The following SEL1L3 variants were observed in gnomAD, a reference collection of about 807,000 sequenced individuals.
SEL1L3 encodes SEL1L family member 3.
Under a neutral mutation model 142.8 loss-of-function variants are expected in SEL1L3, and 76 were observed. The ratio of observed to expected loss-of-function variants is 0.53; its 90% CI spans 0.44 to 0.64. The LOEUF (loss-of-function observed/expected upper bound fraction) is 0.64, where lower values mean the gene tolerates loss of function less well. Among genes scored for constraint, SEL1L3 ranks in the 30% least tolerant of loss-of-function variants. The pLI, the probability that SEL1L3 is intolerant of heterozygous loss-of-function variation, is 0.00. For missense variants in SEL1L3, 1,262 were observed against 1,381.7 expected (o/e 0.91, Z 1.37); for synonymous variants, 504 against 519.6 (o/e 0.97, Z 0.41).
chr4:25,786,698 C>T (rs1431762435), intron 13 of SEL1L3, among the ~76,000 whole-genome samples: 1 of 152,104 alleles, frequency 6.6e-6, no homozygotes, highest in African/African-American at 2.4e-5. Context: ...TCCATCTAGC[C>T]CAGAGCCTGG....
chr4:25,735,011 G>A, the SEL1L3 span, among the ~76,000 whole-genome samples: 1 of 151,790 alleles, frequency 6.6e-6, no homozygotes, highest in East Asian at 1.9e-4. Flanking sequence ...CTGAGTTTGT[G>A]TACAGTTGGT....
rs532578805 is a variant in SEL1L3 at position 25,847,401 on chromosome 4, G to C, written c.626C>G (p.Pro209Arg). 6.2e-7 allele frequency: 1 copy of C among 1,613,968 alleles called. No individual in the cohort carries two copies. Among genetic ancestry groups the C allele is most frequent in the South Asian group, 1.1e-5 (1 of 91,080 alleles). Residue 209 changes from proline to arginine, a missense_variant, in exon 2 of 24, where the codon CCG becomes CGG. Around this residue, in one of 3 missense-constraint regions of SEL1L3, gnomAD observed 689 missense variants for 692.8 expected, o/e 0.99. Coordinates refer to ENST00000399878, the MANE Select transcript of SEL1L3 (RefSeq NM_015187.5). ...ATCTTTGAAAGGGCGTTCAAAAGGCGGGATGGTCTGCAGGAGGGTATAATT... is the reference window on the plus strand; with the variant it reads ...ATCTTTGAAAGGGCGTTCAAAAGGCCGGATGGTCTGCAGGAGGGTATAATT... ...AKNYTLLQTI[P>R]PFERPFKDHQ...
At position 25,818,227 on chromosome 4, in the gene SEL1L3, G is replaced by A. The variant is rs1204753973; in HGVS notation, c.1475C>T (p.Ser492Leu). 1.3e-5 allele frequency: 21 copies of A among 1,603,490 alleles called. No individual in the cohort carries two copies. Among genetic ancestry groups the A allele is most frequent in the East Asian group, 4.5e-5 (2 of 44,502 alleles). The change falls in exon 9 of 24, where the codon TCG becomes TTG. Residue 492 changes from serine (S) to leucine (L), a missense_variant. By Grantham distance (145) the Ser-to-Leu change is moderately radical. Transcript: ENST00000399878. ...LDLQRRYGRP[S>L]MCRAFPWEKE... ...CTCCCAGGGGAAGGCTCTGCACATC[G>A]AGGGTCTCCCATACCTGCGCTGGAG...
At chr4:25,824,848 C>T (rs1041496302) in intron 6 of SEL1L3, among the ~76,000 whole-genome samples, 4 of 152,042 alleles carry the variant, frequency 2.6e-5, no homozygotes, top group Non-Finnish European at 4.4e-5. Context: ...TTTGGGTAGA[C>T]GCAATAGAGC....
chr4:25,767,094 C>A (rs945584756), intron 19 of SEL1L3, among the ~76,000 whole-genome samples: 1 of 152,124 alleles, frequency 6.6e-6, no homozygotes, highest in Non-Finnish European at 1.5e-5. Context: ...GAGTTTGAGA[C>A]CAGCCTGGCC....
chr4:25,846,069 G>A (rs1716484904), intron 2 of SEL1L3, among the ~76,000 whole-genome samples: 1 of 152,318 alleles, frequency 6.6e-6, no homozygotes, highest in African/African-American at 2.4e-5. Flanking sequence ...GGTGGTCCTA[G>A]GGCCACAGTT....
chr4:25,764,127 T>A (rs1390466032), intron 20 of SEL1L3, among the ~76,000 whole-genome samples: 1 of 152,164 alleles, frequency 6.6e-6, no homozygotes, highest in Non-Finnish European at 1.5e-5. Context: ...ATAACCTCAA[T>A]CTATTCAAGA....
rs1399765931 is a variant in SEL1L3 at position 25,822,215 on chromosome 4, T to TA, written c.1158-88dup. 4.6e-6 allele frequency: 7 copies of TA among 1,515,946 alleles called. No individual in the cohort carries two copies. The Admixed American group carries it at 5.4e-5, about 12-fold the overall frequency. 93.9% of individuals were successfully genotyped at this position (1,515,946 alleles called of 1,614,324 possible). On this transcript the variant is annotated intron_variant, in intron 6 of 23. Coordinates refer to ENST00000399878, the MANE Select transcript of SEL1L3 (RefSeq NM_015187.5). ...TCTCTTTCCTAGACCCTCCTTGACT[T>TA]AACCCAAATTGCCCCAAGCCCTTCA...
chr4:25,808,942 G>A (rs772448076), intron 9 of SEL1L3, among the ~76,000 whole-genome samples: 7 of 150,724 alleles, frequency 4.6e-5, no homozygotes, highest in East Asian at 2.0e-4. Flanking sequence ...GTGTGGTGGC[G>A]AGTGCCTGTA....
chr4:25,815,869 G>T (rs1034726110), intron 9 of SEL1L3, among the ~76,000 whole-genome samples: 8 of 150,326 alleles, frequency 5.3e-5, no homozygotes, highest in Non-Finnish European at 1.0e-4. Flanking sequence ...AGGGATATTG[G>T]GGGGGGTGCT....
intron 1 of SEL1L3, among the ~76,000 whole-genome samples, chr4:25,851,382 G>A (rs373904835): frequency 6.6e-6 from 1 of 151,806 alleles, no homozygotes; most frequent in Admixed American, 6.6e-5. Flanking sequence ...AATACCATTT[G>A]GATTAAATAC....
intron 17 of SEL1L3, among the ~76,000 whole-genome samples, chr4:25,775,837 A>G (rs1442489495): frequency 6.6e-6 from 1 of 152,186 alleles, no homozygotes; most frequent in Non-Finnish European, 1.5e-5. Context: ...GCAGTAAAAC[A>G]TCTATGGAAG....
At chr4:25,845,286 G>A (rs953738401) in intron 2 of SEL1L3, among the ~76,000 whole-genome samples, 8 of 152,156 alleles carry the variant, frequency 5.3e-5, no homozygotes, top group African/African-American at 1.9e-4. Flanking sequence ...CTTGAGCCTA[G>A]GAGTTCAAGA....
chr4:25,781,669 G>A (rs948215522), intron 15 of SEL1L3, among the ~76,000 whole-genome samples: 2 of 152,064 alleles, frequency 1.3e-5, no homozygotes, highest in African/African-American at 4.8e-5. Flanking sequence ...ACTTAACTTC[G>A]CAGAACCTCA....
At chr4:25,807,059 C>T (rs1347782144) in intron 9 of SEL1L3, among the ~76,000 whole-genome samples, 1 of 152,048 alleles carries the variant, frequency 6.6e-6, no homozygotes, top group African/African-American at 2.4e-5. Flanking sequence ...ACCAAAATGG[C>T]GTATTATGCC....
In SEL1L3 at chr4:25,788,612, G is replaced by A. The variant is rs1368842555; in HGVS notation, c.2077-248C>T. Among the ~76,000 whole-genome samples the A allele has an allele frequency of 2.0e-5, 3 of 148,714 alleles. No homozygotes were observed. The highest frequency in any genetic ancestry group is 2.0e-4 in the Admixed American group (3 of 15,068). On this transcript the variant is annotated intron_variant, in intron 12 of 23. Transcript: ENST00000399878. This position sits in a 1 kb window ranked among gnomAD's most constrained non-coding sequence, Gnocchi z 5.3. Reference sequence around the variant, plus strand: ...TGTGTGTGTGTGTGTGTGTGTGTGTGTGTGTGTGTATCTACTGTACCCAGG... The same window carrying A: ...TGTGTGTGTGTGTGTGTGTGTGTGTATGTGTGTGTATCTACTGTACCCAGG...
chr4:25,732,099 TAAAG>T, the SEL1L3 span, among the ~76,000 whole-genome samples: 38 of 151,330 alleles, frequency 2.5e-4, no homozygotes, highest in Middle Eastern at 6.8e-3. Context: ...AAGGGAGAAA[TAAAG>T]AAAGAGAGAG....
At chr4:25,818,081 A>G (rs1714507661) in intron 9 of SEL1L3, 57 bp downstream of exon 9, 1 of 1,564,090 alleles carries the variant, frequency 6.4e-7, no homozygotes, top group Non-Finnish European at 8.7e-7. Flanking sequence ...AGTGAAACAG[A>G]GAAAAACAAG....
At chr4:25,806,188 G>T (rs1373116859) in intron 9 of SEL1L3, among the ~76,000 whole-genome samples, 13 of 151,698 alleles carry the variant, frequency 8.6e-5, no homozygotes, top group African/African-American at 3.1e-4. Flanking sequence ...ACAGGCGCCC[G>T]CCAGCACGCC....
Sources: gnomAD v4.1 joint callset for allele counts (sites outside exome capture counted in the v4.1 genomes callset) on GRCh38, gnomAD v4.1.1 for gene constraint, gnomAD v4.1.1 regional missense constraint, Gnocchi (gnomAD v3.1) non-coding constraint, MANE v1.5 for transcripts, NCBI Gene and HGNC (gene_info 2026-07-23, HGNC 2026-07-21) for gene names.